Variants in SPAG16 observed in about 807,000 individuals in gnomAD.
SPAG16 encodes the protein sperm associated antigen 16.
Under a neutral mutation model 80.4 loss-of-function variants are expected in SPAG16, and 86 were observed. The observed-to-expected ratio is 1.07, with a 90% confidence interval of 0.90 to 1.28. The LOEUF is 1.28. SPAG16 is among the 50% of genes most tolerant of loss of function. SPAG16 has a pLI of 0.00. For synonymous variants in SPAG16, 294 were observed against 265.9 expected (o/e 1.11, Z -1.03); for missense variants, 870 against 765.3 (o/e 1.14, Z -1.61).
At chr2:214,268,194 G>A (rs533175644) in intron 15 of SPAG16, among the ~76,000 whole-genome samples, 8 of 151,910 alleles carry the variant, frequency 5.3e-5, no homozygotes, top group African/African-American at 1.9e-4. Flanking sequence ...GTGGAGAAAA[G>A]GGAACCCTCA....
rs150655354 is a variant in SPAG16, at chr2:214,217,509, T to TA, written c.1720+68246dup. On this transcript the variant is annotated intron_variant, in intron 15 of 15. Coordinates refer to ENST00000331683, the MANE Select transcript of SPAG16 (RefSeq NM_024532.5). ...AGATCCCTATCAGTCTGGCTAGTTT[T>TA]AAATTGTCACTTCCAAATTTAAATA... is the stretch of plus-strand genomic sequence containing the variant. Among the ~76,000 whole-genome samples, 1,165 of 152,344 alleles carry TA rather than the reference T, an allele frequency of 7.6e-3. 14 individuals carry two copies. The highest frequency in any genetic ancestry group is 0.026 in the African/African-American group (1,086 of 41,594).
intron 10 of SPAG16, among the ~76,000 whole-genome samples, chr2:213,602,523 A>G (rs911881581): frequency 2.0e-5 from 3 of 152,016 alleles, no homozygotes; most frequent in Admixed American, 2.0e-4. Context: ...AATCCCAGCT[A>G]CTCGGGAGGC....
intron 9 of SPAG16, among the ~76,000 whole-genome samples, chr2:213,375,901 G>A (rs950116292): frequency 6.6e-6 from 1 of 150,702 alleles, no homozygotes; most frequent in Non-Finnish European, 1.5e-5. Flanking sequence ...TCTAAAACAT[G>A]CATTGGATTC....
intron 11 of SPAG16, among the ~76,000 whole-genome samples, chr2:213,907,645 G>A (rs562467906): frequency 6.6e-6 from 1 of 151,952 alleles, no homozygotes; most frequent in South Asian, 2.1e-4. Flanking sequence ...TAGATGAATG[G>A]ATAAAGAAAA....
chr2:213,595,473 A>G (rs1453570205), intron 10 of SPAG16, among the ~76,000 whole-genome samples: 2 of 152,168 alleles, frequency 1.3e-5, no homozygotes, highest in Non-Finnish European at 2.9e-5. Context: ...AACATATATC[A>G]AACGACATAT....
intron 11 of SPAG16, among the ~76,000 whole-genome samples, chr2:213,897,105 T>C (rs2077025465): frequency 6.6e-6 from 1 of 152,134 alleles, no homozygotes; most frequent in Admixed American, 6.6e-5. Context: ...AAGACAAATA[T>C]TAGGTGATGG....
At chr2:213,612,240 T>C (rs565989288) in intron 10 of SPAG16, among the ~76,000 whole-genome samples, 45 of 152,338 alleles carry the variant, frequency 3.0e-4, no homozygotes, top group Non-Finnish European at 3.4e-4. Context: ...AAACATGTAG[T>C]AAAACTAACA....
chr2:214,285,456 TC>T (rs1693281786), intron 15 of SPAG16, among the ~76,000 whole-genome samples: 1 of 152,216 alleles, frequency 6.6e-6, no homozygotes, highest in African/African-American at 2.4e-5. Context: ...GTTGATTGTT[TC>T]ATTTGCTGTT....
At chr2:213,763,333 T>G (rs1386119425) in intron 10 of SPAG16, among the ~76,000 whole-genome samples, 2 of 152,228 alleles carry the variant, frequency 1.3e-5, no homozygotes. Flanking sequence ...TGTATTCCTA[T>G]GTTCATTGCA....
intron 11 of SPAG16, among the ~76,000 whole-genome samples, chr2:213,867,582 T>C (rs2075742333): frequency 6.6e-6 from 1 of 152,132 alleles, no homozygotes; most frequent in Admixed American, 6.5e-5. Context: ...GTTCAATAAA[T>C]GTTAGCTATC....
At chr2:214,349,745 G>A (rs1415093305) in intron 15 of SPAG16, among the ~76,000 whole-genome samples, 1 of 152,170 alleles carries the variant, frequency 6.6e-6, no homozygotes, top group Non-Finnish European at 1.5e-5. Flanking sequence ...TCAAAATGTA[G>A]TGTTGTCAAT....
chr2:214,034,802 C>A lies in SPAG16; in HGVS notation c.1527+20725C>A, dbSNP rs140408572. Reference sequence around the variant, plus strand: ...GGCTTAAGGAGCTCCTAGGTCTGGGCTCCCCTAAGGGCTGCAGATCTTCTC... The same window carrying A: ...GGCTTAAGGAGCTCCTAGGTCTGGGATCCCCTAAGGGCTGCAGATCTTCTC... On this transcript the variant is annotated intron_variant, in intron 13 of 15. Transcript: ENST00000331683. Among the ~76,000 whole-genome samples the A allele has an allele frequency of 5.2e-3, 799 of 152,272 alleles. 4 individuals are homozygous for A. The highest frequency in any genetic ancestry group is 0.016 in the African/African-American group (660 of 41,552).
chr2:213,901,885 C>A (rs1363858483), intron 11 of SPAG16, among the ~76,000 whole-genome samples: 1 of 152,068 alleles, frequency 6.6e-6, no homozygotes. Context: ...AATAGAGTGG[C>A]TTTCTTGTCC....
chr2:214,394,328 C>T (rs1407101352), intron 15 of SPAG16, among the ~76,000 whole-genome samples: 1 of 151,944 alleles, frequency 6.6e-6, no homozygotes, highest in Non-Finnish European at 1.5e-5. Context: ...GAGGAAATAG[C>T]TACTCCCTAT....
At chr2:214,387,400 A>C (rs184116236) in intron 15 of SPAG16, among the ~76,000 whole-genome samples, 1 of 152,312 alleles carries the variant, frequency 6.6e-6, no homozygotes, top group African/African-American at 2.4e-5. Flanking sequence ...CTCAGTATAT[A>C]ACTGTTGAGG....
At chr2:213,986,126 C>A (rs1433372330) in intron 12 of SPAG16, among the ~76,000 whole-genome samples, 1 of 152,010 alleles carries the variant, frequency 6.6e-6, no homozygotes, top group African/African-American at 2.4e-5. Flanking sequence ...GACAAAGAGA[C>A]TTTGACTTTT....
At chr2:214,177,584 A>G (rs537520977) in intron 15 of SPAG16, among the ~76,000 whole-genome samples, 1 of 150,902 alleles carries the variant, frequency 6.6e-6, no homozygotes, top group Admixed American at 6.6e-5. Context: ...TTTAGGCGAA[A>G]TAAATTCTTT....
intron 15 of SPAG16, among the ~76,000 whole-genome samples, chr2:214,157,972 A>G (rs1467693749): frequency 1.3e-5 from 2 of 152,058 alleles, no homozygotes; most frequent in Non-Finnish European, 2.9e-5. Context: ...GAATTTTCAG[A>G]AACATCGAGA....
intron 9 of SPAG16, among the ~76,000 whole-genome samples, chr2:213,378,452 A>T (rs1395411486): frequency 6.6e-6 from 1 of 152,234 alleles, no homozygotes; most frequent in Non-Finnish European, 1.5e-5. Context: ...TCCTTCGTAC[A>T]ACCAGAAATG....
Sources: allele counts gnomAD v4.1 joint callset (sites outside exome capture counted in the v4.1 genomes callset), GRCh38; gene constraint gnomAD v4.1.1; transcripts MANE v1.5; gene names NCBI Gene and HGNC (gene_info 2026-07-23, HGNC 2026-07-21).